The following FOXN3 variants were observed in gnomAD, a reference collection of about 807,000 sequenced individuals.
FOXN3 encodes forkhead box protein N3.
FOXN3 carries 7 observed loss-of-function variants against 38.4 expected under a neutral mutation model. The observed-to-expected ratio is 0.18, with a 90% CI of 0.10 to 0.34. FOXN3 has a LOEUF of 0.34. Among genes scored for constraint, FOXN3 ranks in the 10% least tolerant of loss-of-function variants. The pLI is 1.00. For missense variants in FOXN3, 456 were observed against 613.4 expected, an observed-to-expected ratio of 0.74 and a Z score of 2.71; for synonymous variants, 230 against 242.2, an observed-to-expected ratio of 0.95 and a Z score of 0.47.
At chr14:89,475,666 A>T (rs182695901) in intron 1 of FOXN3, among the ~76,000 whole-genome samples, 1 of 152,224 alleles carries the variant, frequency 6.6e-6, no homozygotes, top group East Asian at 1.9e-4. Context: ...AAGAAAAAAA[A>T]TAACAATTTA....
intron 2 of FOXN3, among the ~76,000 whole-genome samples, chr14:89,365,141 C>T (rs1268160208): frequency 6.6e-6 from 1 of 152,202 alleles, no homozygotes; most frequent in African/African-American, 2.4e-5. Context: ...CCGTTACTCA[C>T]TATTTTGAGA....
intron 1 of FOXN3, among the ~76,000 whole-genome samples, chr14:89,498,963 A>G (rs1052866493): frequency 6.6e-6 from 1 of 152,324 alleles, no homozygotes; most frequent in Non-Finnish European, 1.5e-5. Context: ...CTCACGATTT[A>G]GCCTGTTACA....
intron 3 of FOXN3, among the ~76,000 whole-genome samples, chr14:89,346,302 T>C (rs946276255): frequency 2.0e-5 from 3 of 152,196 alleles, no homozygotes; most frequent in Admixed American, 6.5e-5. Flanking sequence ...ATTTTGCACA[T>C]TTTCCCCTAA....
intron 5 of FOXN3, among the ~76,000 whole-genome samples, chr14:89,167,051 G>A (rs1026827553): frequency 6.6e-6 from 1 of 152,160 alleles, no homozygotes; most frequent in African/African-American, 2.4e-5. Flanking sequence ...TATGTGTAAC[G>A]ATATTGCAAT....
intron 5 of FOXN3, among the ~76,000 whole-genome samples, chr14:89,166,675 G>A (rs1887250607): frequency 6.6e-6 from 1 of 152,216 alleles, no homozygotes; most frequent in Non-Finnish European, 1.5e-5. Context: ...TAACTTCAGG[G>A]AGTGAGAATT....
intron 1 of FOXN3, among the ~76,000 whole-genome samples, chr14:89,425,515 G>A (rs1382740399): frequency 7.1e-6 from 1 of 140,834 alleles, no homozygotes; most frequent in Non-Finnish European, 1.5e-5. Flanking sequence ...TTACAGGCTT[G>A]TGCCACCATG....
chr14:89,308,141 T>C (rs1178399282), intron 3 of FOXN3, among the ~76,000 whole-genome samples: 1 of 152,178 alleles, frequency 6.6e-6, no homozygotes, highest in African/African-American at 2.4e-5. Context: ...GGCACCCGCC[T>C]ATAATCCCAG....
chr14:89,237,155 A>C (rs1214061303), intron 4 of FOXN3, among the ~76,000 whole-genome samples: 3 of 152,170 alleles, frequency 2.0e-5, no homozygotes, highest in Non-Finnish European at 4.4e-5. Flanking sequence ...ACAAATATCC[A>C]ACTAGAAAGT....
chr14:89,555,811 A>G (rs1290160560), intron 1 of FOXN3, among the ~76,000 whole-genome samples: 1 of 144,042 alleles, frequency 6.9e-6, no homozygotes, highest in Non-Finnish European at 1.5e-5. Flanking sequence ...CAGGACTAGC[A>G]TTCATAAAGC....
chr14:89,465,816 C>A (rs1892966644), intron 1 of FOXN3, among the ~76,000 whole-genome samples: 1 of 152,226 alleles, frequency 6.6e-6, no homozygotes, highest in African/African-American at 2.4e-5. Context: ...TAAATCTCAA[C>A]TCAAGAGCTT....
intron 1 of FOXN3, among the ~76,000 whole-genome samples, chr14:89,573,195 G>A (rs1013050457): frequency 2.6e-5 from 4 of 152,154 alleles, no homozygotes; most frequent in Non-Finnish European, 4.4e-5. Flanking sequence ...TAGATCAGCC[G>A]CCGTGGGAAA....
intron 1 of FOXN3, among the ~76,000 whole-genome samples, chr14:89,415,878 A>ACACACACG (rs915319224): frequency 6.9e-6 from 1 of 145,044 alleles, no homozygotes; most frequent in African/African-American, 2.5e-5. Flanking sequence ...ACACACACAC[A>ACACACACG]CACACCCTCT....
Position 89,498,194 on chromosome 14 carries a change from TTC to T in FOXN3, c.-14-85706_-14-85705del, listed in dbSNP as rs747063601. Among the ~76,000 whole-genome samples the T allele has an allele frequency of 1.6e-3, 236 of 145,074 alleles. 1 individual carries two copies. The highest frequency in any genetic ancestry group is 5.1e-3 in the African/African-American group (196 of 38,122). The stretch of plus-strand genomic sequence containing the variant: ...ATATTCTCCTATTCTCTCTGGCTGC[TTC>T]TCTCTCTCTCTCTCTTTTTTTTTTT... On this transcript the variant is annotated intron_variant, in intron 1 of 6. Coordinates refer to the FOXN3 transcript ENST00000345097.
At chr14:89,441,306 C>T (rs1316110472) in intron 1 of FOXN3, among the ~76,000 whole-genome samples, 1 of 151,962 alleles carries the variant, frequency 6.6e-6, no homozygotes, top group Non-Finnish European at 1.5e-5. Flanking sequence ...CTGGAAAACC[C>T]TCCTCCCAAT....
intron 3 of FOXN3, among the ~76,000 whole-genome samples, chr14:89,321,174 C>T (rs1201762570): frequency 6.6e-6 from 1 of 152,020 alleles, no homozygotes. Context: ...ACCTGTAATC[C>T]CACCTACTCG....
At chr14:89,288,067 A>T (rs1886689605) in intron 3 of FOXN3, among the ~76,000 whole-genome samples, 1 of 57,118 alleles carries the variant, frequency 1.8e-5, no homozygotes, top group Non-Finnish European at 4.3e-5. Flanking sequence ...TCTCAAAAAA[A>T]AATATATATA....
chr14:89,191,892 T>C (rs928355219), intron 4 of FOXN3, among the ~76,000 whole-genome samples: 2 of 149,274 alleles, frequency 1.3e-5, no homozygotes, highest in Admixed American at 1.3e-4. Context: ...AATTAACTTA[T>C]TTGGCAACCC....
intron 2 of FOXN3, among the ~76,000 whole-genome samples, chr14:89,351,574 G>A (rs1888973433): frequency 6.6e-6 from 1 of 152,170 alleles, no homozygotes; most frequent in Admixed American, 6.5e-5. Context: ...TTGGTCTATG[G>A]ACAGCCTATT....
intron 3 of FOXN3, among the ~76,000 whole-genome samples, chr14:89,321,558 C>T (rs558720756): frequency 3.2e-4 from 48 of 152,226 alleles, no homozygotes; most frequent in Non-Finnish European, 5.6e-4. Context: ...GCATGGGTGA[C>T]AGAGTGAGAT....
Sources: gnomAD v4.1 joint callset for allele counts (sites outside exome capture counted in the v4.1 genomes callset) on GRCh38, gnomAD v4.1.1 for gene constraint, MANE v1.5 for transcripts, NCBI Gene and HGNC (gene_info 2026-07-23, HGNC 2026-07-21) for gene names.